Variants in MCTP2 observed in about 807,000 individuals in gnomAD.
MCTP2 encodes the protein multiple C2 and transmembrane domain-containing protein 2.
A neutral mutation model predicts 111.6 loss-of-function variants in MCTP2; 132 were observed. The observed-to-expected ratio is 1.18, with a 90% CI of 1.03 to 1.37. MCTP2 has a LOEUF of 1.37. Among genes scored for constraint, MCTP2 ranks in the 40% most tolerant of loss-of-function variants. The probability of loss-of-function intolerance (pLI) is 0.00; values close to 1 mark genes in which losing one functional copy is unlikely to be tolerated. For missense variants in MCTP2, 1,183 were observed against 1,067.9 expected (o/e 1.11, Z -1.50); for synonymous variants, 395 against 387.7 (o/e 1.02, Z -0.22).
chr15:94,231,939 A>T (rs2070203246), intron 1 of MCTP2: 1 of 152,300 alleles, frequency 6.6e-6, no homozygotes, highest in Admixed American at 6.5e-5. Context: ...TTTAAAGGCC[A>T]CACATTCAGT....
At chr15:94,353,888 C>T (rs775225234) in intron 8 of MCTP2, among the ~76,000 whole-genome samples, 3 of 151,974 alleles carry the variant, frequency 2.0e-5, no homozygotes, top group Non-Finnish European at 2.9e-5. Context: ...GATATATGTG[C>T]ATATATGCAG....
chr15:94,285,069 A>G (rs1373582257), intron 1 of MCTP2, among the ~76,000 whole-genome samples: 4 of 152,234 alleles, frequency 2.6e-5, no homozygotes, highest in Admixed American at 2.6e-4. Flanking sequence ...GATTTACCAC[A>G]GGAATAGCAG....
In MCTP2 at chr15:94,475,843, A is replaced by G. The variant is rs145658819; in HGVS notation, c.2471-853A>G. Among the ~76,000 whole-genome samples, 44 of 152,302 alleles carry G rather than the reference A, an allele frequency of 2.9e-4. 1 individual carries two copies. In the East Asian group the frequency reaches 7.9e-3, roughly 27 times the overall value. ...ACCAGGGGCAGAGCGTGTCCTGGAT[A>G]TGCACGGGAACCCAAGGTGCAGCCA... On this transcript the variant is annotated intron_variant, in intron 21 of 22. Coordinates refer to ENST00000357742, the MANE Select transcript of MCTP2 (RefSeq NM_001385001.1).
intron 17 of MCTP2, among the ~76,000 whole-genome samples, chr15:94,403,924 T>C (rs575302419): frequency 1.5e-4 from 23 of 152,312 alleles, no homozygotes; most frequent in African/African-American, 3.6e-4. Flanking sequence ...ACATTTCTCA[T>C]TGGACACCAT....
At chr15:94,334,123 A>G (rs554085016) in intron 4 of MCTP2, among the ~76,000 whole-genome samples, 2 of 152,358 alleles carry the variant, frequency 1.3e-5, no homozygotes, top group Non-Finnish European at 2.9e-5. Context: ...GATACTAAAC[A>G]TAGCATTCGT....
chr15:94,370,547 T>C (rs1226038186), intron 12 of MCTP2, among the ~76,000 whole-genome samples: 2 of 152,244 alleles, frequency 1.3e-5, no homozygotes, highest in African/African-American at 4.8e-5. Context: ...CTCTCTGTGC[T>C]GAATGGTTCA....
In MCTP2 at chr15:94,239,372, G is replaced by A. The variant is rs1240621513; in HGVS notation, c.-66+7708G>A. On this transcript the variant is annotated intron_variant, in intron 1 of 22. Coordinates refer to ENST00000357742, the MANE Select transcript of MCTP2 (RefSeq NM_001385001.1). ...CATGAATAATCTGGGGCTCAGGAGT[G>A]CTGCAGGCTCAATTATTATTTTCAC... Among the ~76,000 whole-genome samples, 4 of 152,308 alleles carry A rather than the reference G, an allele frequency of 2.6e-5. No homozygotes were observed. The East Asian group carries it at 7.7e-4, about 29-fold the overall frequency.
chr15:94,367,511 G>A (rs1260161044), intron 10 of MCTP2, 94 bp from the exon 11 acceptor site: 2 of 972,402 alleles, frequency 2.1e-6, no homozygotes, highest in Admixed American at 4.8e-5. Flanking sequence ...GTGAGTTTTG[G>A]GGGATGATGA....
chr15:94,449,932 T>C (rs76597874), intron 19 of MCTP2, among the ~76,000 whole-genome samples: 1 of 152,356 alleles, frequency 6.6e-6, no homozygotes, highest in East Asian at 1.9e-4. Context: ...TGTCACTTAG[T>C]GCAGAGAGAC....
intron 19 of MCTP2, among the ~76,000 whole-genome samples, chr15:94,452,673 G>A (rs1460928482): frequency 6.6e-6 from 1 of 152,162 alleles, no homozygotes; most frequent in Non-Finnish European, 1.5e-5. Flanking sequence ...GGTCTTATCT[G>A]TTGATCCCCC....
intron 1 of MCTP2, among the ~76,000 whole-genome samples, chr15:94,238,840 G>A (rs1288964034): frequency 6.6e-6 from 1 of 152,058 alleles, no homozygotes; most frequent in Non-Finnish European, 1.5e-5. Context: ...GCCTAGGCTA[G>A]TCTGTTTAAG....
Position 94,307,551 on chromosome 15 carries a change from G to A in MCTP2, c.466-6731G>A, listed in dbSNP as rs532155250. Among the ~76,000 whole-genome samples the A allele has an allele frequency of 1.5e-3, 226 of 152,288 alleles. 1 individual carries two copies. Among genetic ancestry groups the A allele is most frequent in the African/African-American group, 5.2e-3 (215 of 41,542 alleles). ...AAGTGAACAGAAGCCACATCATGTA[G>A]GGCGTTCCTATCTTGTCAGGCAACT... On this transcript the variant is annotated intron_variant, in intron 2 of 22. Transcript: ENST00000357742.
intron 1 of MCTP2, among the ~76,000 whole-genome samples, chr15:94,245,564 A>G (rs1042034829): frequency 4.9e-5 from 7 of 143,600 alleles, no homozygotes; most frequent in African/African-American, 1.3e-4. Context: ...ATGTATACAT[A>G]TATGTATATA....
At chr15:94,329,182 T>C (rs2077026214) in intron 4 of MCTP2, among the ~76,000 whole-genome samples, 1 of 152,150 alleles carries the variant, frequency 6.6e-6, no homozygotes, top group Non-Finnish European at 1.5e-5. Context: ...CCACAGAATT[T>C]GGGGGCTATT....
At chr15:94,234,559 G>C (rs2070408661) in intron 1 of MCTP2, among the ~76,000 whole-genome samples, 1 of 152,012 alleles carries the variant, frequency 6.6e-6, no homozygotes. Context: ...GTGGTTAAAG[G>C]CAAAGGACTC....
At chr15:94,409,072 G>C (rs1157300275) in intron 17 of MCTP2, among the ~76,000 whole-genome samples, 5 of 152,194 alleles carry the variant, frequency 3.3e-5, no homozygotes, top group African/African-American at 1.2e-4. Context: ...TTGATCCTGG[G>C]TGTGTCTGTG....
chr15:94,323,778 G>C (rs1388281689), intron 4 of MCTP2, among the ~76,000 whole-genome samples: 1 of 152,168 alleles, frequency 6.6e-6, no homozygotes, highest in African/African-American at 2.4e-5. Flanking sequence ...CCATCTTCCT[G>C]CATGTCTGCT....
At chr15:94,333,096 C>T (rs947558798) in intron 4 of MCTP2, among the ~76,000 whole-genome samples, 1 of 152,062 alleles carries the variant, frequency 6.6e-6, no homozygotes, top group African/African-American at 2.4e-5. Context: ...TTAGCCGGGC[C>T]TGGTGGCGGG....
intron 4 of MCTP2, among the ~76,000 whole-genome samples, chr15:94,325,843 C>T (rs11857098): frequency 0.52 from 55,934 of 107,370 alleles, 13,162 homozygotes; most frequent in East Asian, 0.62. Flanking sequence ...TTTTTTGAGA[C>T]GGAGTCTTGG....
Sources: allele counts gnomAD v4.1 joint callset (sites outside exome capture counted in the v4.1 genomes callset), GRCh38; gene constraint gnomAD v4.1.1; transcripts MANE v1.5; gene names NCBI Gene and HGNC (gene_info 2026-07-23, HGNC 2026-07-21).